The following ADK variants were observed in gnomAD, a reference collection of about 807,000 sequenced individuals.
ADK encodes adenosine kinase, also known as N6,N6-dimethyladenosine kinase.
In ADK, 24 loss-of-function variants were observed where a neutral mutation model predicts 44.7. The ratio of observed to expected loss-of-function variants is 0.54; its 90% CI spans 0.39 to 0.76. The LOEUF is 0.76. Ranked by LOEUF, ADK falls within the 30% of genes least tolerant of loss-of-function variation. ADK has a pLI of 0.00. For synonymous variants in ADK, 128 were observed against 142.6 expected, an observed-to-expected ratio of 0.90 and a Z score of 0.73; for missense variants, 321 against 425.1, an observed-to-expected ratio of 0.76 and a Z score of 2.15.
At chr10:74,662,006 A>G (rs1854753310) in intron 9 of ADK, among the ~76,000 whole-genome samples, 1 of 152,354 alleles carries the variant, frequency 6.6e-6, no homozygotes, top group Admixed American at 6.5e-5. Flanking sequence ...TTCAACAAAT[A>G]CTTATTACCT....
At chr10:74,641,702 T>C (rs1184267769) in intron 9 of ADK, 3 of 152,246 alleles carry the variant, frequency 2.0e-5, no homozygotes, top group Admixed American at 2.0e-4. Flanking sequence ...TAAAATATTC[T>C]TGTTGGCCAG....
In ADK at chr10:74,488,067, A is replaced by T. The variant is rs557495834; in HGVS notation, c.556-37189A>T. 5.3e-5 allele frequency among the ~76,000 whole-genome samples: 8 copies of T among 152,122 alleles called. No individual in the cohort carries two copies. In the South Asian group the frequency reaches 1.5e-3, roughly 28 times the overall value. On this transcript the variant is annotated intron_variant, in intron 6 of 10. Transcript: ENST00000539909. ...GTATACTTTCTTGCCTAAGATACTT[A>T]ACTGAGTCTAATCATAAAGTTCAGA... is the stretch of plus-strand genomic sequence containing the variant.
At chr10:74,321,653 A>G (rs573680141) in intron 4 of ADK, among the ~76,000 whole-genome samples, 5 of 152,284 alleles carry the variant, frequency 3.3e-5, no homozygotes, top group South Asian at 4.1e-4. Flanking sequence ...TTCCAATTAG[A>G]TAAGCCTCCA....
chr10:74,640,980 A>T (rs929979653), intron 9 of ADK, among the ~76,000 whole-genome samples: 1 of 152,270 alleles, frequency 6.6e-6, no homozygotes, highest in Non-Finnish European at 1.5e-5. Flanking sequence ...TGGGAAAAAG[A>T]TTAAAAATAC....
intron 4 of ADK, among the ~76,000 whole-genome samples, chr10:74,365,476 A>G (rs941941845): frequency 3.9e-5 from 6 of 152,216 alleles, no homozygotes; most frequent in African/African-American, 1.4e-4. Context: ...TGATTGAATA[A>G]TGTTCCATTG....
At chr10:74,341,847 A>G (rs1355441155) in intron 4 of ADK, among the ~76,000 whole-genome samples, 1 of 152,148 alleles carries the variant, frequency 6.6e-6, no homozygotes, top group Non-Finnish European at 1.5e-5. Flanking sequence ...TCAAATTTGT[A>G]CTATTCTGGT....
At chr10:74,553,719 G>A (rs1171066794) in intron 7 of ADK, among the ~76,000 whole-genome samples, 1 of 152,188 alleles carries the variant, frequency 6.6e-6, no homozygotes, top group East Asian at 1.9e-4. Context: ...GGGATTGACT[G>A]GTAAGAGACA....
chr10:74,333,379 C>T lies in ADK; in HGVS notation c.273+18634C>T, dbSNP rs184939665. ...GGGATACGAATGAGAAGTATAACGCCATAGAAGGCATGAGCATTAGTAATC... is the reference window on the plus strand; with the variant it reads ...GGGATACGAATGAGAAGTATAACGCTATAGAAGGCATGAGCATTAGTAATC... On this transcript the variant is annotated intron_variant, in intron 4 of 10. Coordinates refer to ENST00000539909, the MANE Select transcript of ADK (RefSeq NM_006721.4). Among the ~76,000 whole-genome samples the T allele has an allele frequency of 1.3e-3, 205 of 152,158 alleles. 1 individual carries two copies. The highest frequency in any genetic ancestry group is 2.7e-3 in the South Asian group (13 of 4,818).
chr10:74,465,599 G>A (rs1356429457), intron 6 of ADK, among the ~76,000 whole-genome samples: 3 of 152,174 alleles, frequency 2.0e-5, no homozygotes, highest in Non-Finnish European at 4.4e-5. Flanking sequence ...TCCAGTGGGA[G>A]ATATGATGAC....
intron 6 of ADK, among the ~76,000 whole-genome samples, chr10:74,472,139 G>A (rs1444827867): frequency 6.6e-6 from 1 of 152,056 alleles, no homozygotes; most frequent in Non-Finnish European, 1.5e-5. Context: ...GGAGTTCAAG[G>A]TTACAGTGAG....
At chr10:74,416,649 T>A (rs1844385985) in intron 6 of ADK, among the ~76,000 whole-genome samples, 1 of 151,736 alleles carries the variant, frequency 6.6e-6, no homozygotes, top group African/African-American at 2.4e-5. Flanking sequence ...ACACCGTCAC[T>A]GCAAACATCT....
At chr10:74,619,242 G>A (rs530862529) in intron 9 of ADK, among the ~76,000 whole-genome samples, 1 of 152,120 alleles carries the variant, frequency 6.6e-6, no homozygotes, top group South Asian at 2.1e-4. Flanking sequence ...ATCACTTGAG[G>A]CCAGGAGTTC....
chr10:74,217,079 G>A (rs2132215181), intron 2 of ADK, among the ~76,000 whole-genome samples: 1 of 152,348 alleles, frequency 6.6e-6, no homozygotes, highest in East Asian at 1.9e-4. Context: ...TGCCTCACTC[G>A]GGAAGCACAA....
chr10:74,311,345 C>T (rs1592028417), intron 3 of ADK, among the ~76,000 whole-genome samples: 1 of 152,296 alleles, frequency 6.6e-6, no homozygotes, highest in South Asian at 2.1e-4. Flanking sequence ...AAAACTACAT[C>T]AAGGTGGAAA....
At chr10:74,318,038 C>T in intron 4 of ADK, among the ~76,000 whole-genome samples, 1 of 152,240 alleles carries the variant, frequency 6.6e-6, no homozygotes, top group East Asian at 1.9e-4. Context: ...CCTCGGCTTC[C>T]CAAAGTGCTG....
chr10:74,391,650 T>TACACACACAC (rs1491120125), intron 4 of ADK, among the ~76,000 whole-genome samples: 2,020 of 134,562 alleles, frequency 0.015, 31 homozygotes, highest in Non-Finnish European at 0.018. Context: ...GAGGCAAGAA[T>TACACACACAC]ATACACACAC....
chr10:74,297,561 T>C (rs1431778085), intron 3 of ADK, among the ~76,000 whole-genome samples: 2 of 152,218 alleles, frequency 1.3e-5, no homozygotes, highest in African/African-American at 4.8e-5. Flanking sequence ...TATGTTACCA[T>C]AGGGCGAACT....
At chr10:74,612,319 A>G (rs1042248052) in intron 9 of ADK, among the ~76,000 whole-genome samples, 2 of 152,050 alleles carry the variant, frequency 1.3e-5, no homozygotes, top group East Asian at 3.9e-4. Flanking sequence ...GTGTCTTGCT[A>G]TGTTGCTCAG....
chr10:74,634,327 G>A (rs1302162924), intron 9 of ADK, among the ~76,000 whole-genome samples: 2 of 151,804 alleles, frequency 1.3e-5, no homozygotes, highest in South Asian at 2.1e-4. Flanking sequence ...CCATTCTCCC[G>A]CCTCAGCCTC....
Sources: gnomAD v4.1 joint callset for allele counts (sites outside exome capture counted in the v4.1 genomes callset) on GRCh38, gnomAD v4.1.1 for gene constraint, MANE v1.5 for transcripts, NCBI Gene and HGNC (gene_info 2026-07-23, HGNC 2026-07-21) for gene names.